The following TSHZ2 variants were observed in gnomAD, a reference collection of about 807,000 sequenced individuals.
The protein encoded by TSHZ2 is teashirt zinc finger homeobox 2, also known as teashirt homolog 2.
TSHZ2 carries 21 observed loss-of-function variants against 74.4 expected under a neutral mutation model. The ratio of observed to expected loss-of-function variants is 0.28; its 90% CI spans 0.20 to 0.41. The LOEUF is 0.41. TSHZ2 is among the 10% of genes least tolerant of loss of function. The pLI is 1.00. For missense variants in TSHZ2, 1,244 were observed against 1,293.5 expected (o/e 0.96, Z 0.59); for synonymous variants, 540 against 515.3 (o/e 1.05, Z -0.65).
chr20:53,277,242 T>C (rs141241016), intron 2 of TSHZ2, among the ~76,000 whole-genome samples: 12 of 151,410 alleles, frequency 7.9e-5, no homozygotes, highest in African/African-American at 2.9e-4. Context: ...GCCCTAAAAG[T>C]ATTTTGGAAG....
At chr20:53,376,241 T>C (rs941190771) in intron 2 of TSHZ2, among the ~76,000 whole-genome samples, 1 of 152,228 alleles carries the variant, frequency 6.6e-6, no homozygotes, top group Admixed American at 6.5e-5. Context: ...CCAACTGTCC[T>C]GGTTTGCTCT....
chr20:53,412,086 T>C (rs1440446129), intron 2 of TSHZ2, among the ~76,000 whole-genome samples: 1 of 152,192 alleles, frequency 6.6e-6, no homozygotes, highest in South Asian at 2.1e-4. Context: ...ACTCATGACT[T>C]TTCTGCTCAC....
At chr20:53,129,913 T>C (rs1044545958) in intron 1 of TSHZ2, among the ~76,000 whole-genome samples, 5 of 151,888 alleles carry the variant, frequency 3.3e-5, no homozygotes, top group Admixed American at 6.6e-5. Flanking sequence ...TTACCAACCC[T>C]GTGTTGACAA....
At chr20:53,234,001 G>A (rs186960376) in intron 1 of TSHZ2, among the ~76,000 whole-genome samples, 1 of 152,166 alleles carries the variant, frequency 6.6e-6, no homozygotes, top group African/African-American at 2.4e-5. Flanking sequence ...CCCAGGCCCT[G>A]CATGGTTGTG....
At chr20:53,325,080 G>T (rs1416676270) in intron 2 of TSHZ2, among the ~76,000 whole-genome samples, 1 of 152,220 alleles carries the variant, frequency 6.6e-6, no homozygotes, top group Non-Finnish European at 1.5e-5. Flanking sequence ...TTTGGTCTTG[G>T]TTAAACTGTC....
chr20:53,125,809 C>T (rs1335485047), intron 1 of TSHZ2, among the ~76,000 whole-genome samples: 1 of 152,070 alleles, frequency 6.6e-6, no homozygotes, highest in Non-Finnish European at 1.5e-5. Flanking sequence ...CCAAATCTAT[C>T]AGTGGGCTTA....
chr20:53,446,164 G>A (rs1168486104), intron 2 of TSHZ2, among the ~76,000 whole-genome samples: 1 of 152,144 alleles, frequency 6.6e-6, no homozygotes, highest in Non-Finnish European at 1.5e-5. Flanking sequence ...CTTGAAAAGA[G>A]CTTGAACCTC....
At chr20:53,383,450 A>T (rs1981931241) in intron 2 of TSHZ2, among the ~76,000 whole-genome samples, 1 of 151,972 alleles carries the variant, frequency 6.6e-6, no homozygotes, top group South Asian at 2.1e-4. Context: ...CATGACTTTT[A>T]TTTTGTAACT....
chr20:53,227,740 C>G (rs190101827), intron 1 of TSHZ2, among the ~76,000 whole-genome samples: 1 of 152,184 alleles, frequency 6.6e-6, no homozygotes, highest in Admixed American at 6.5e-5. Context: ...TCCTTGCTTT[C>G]GTGGCTTGCT....
Position 53,152,383 on chromosome 20 carries a change from TCTTGACCCTAAC to T in TSHZ2, c.41-101114_41-101103del, listed in dbSNP as rs1987694969. On this transcript the variant is annotated intron_variant, in intron 1 of 2. Transcript: ENST00000371497. ...ACTTTAACCCTGACCTTCACCCTAA[TCTTGACCCTAAC>T]CCTGACTCTCAGCCTAACCCTGACC... 2.0e-5 allele frequency among the ~76,000 whole-genome samples: 3 copies of T among 152,206 alleles called. No individual in the cohort carries two copies. The South Asian group carries it at 6.2e-4, about 32-fold the overall frequency.
chr20:53,227,154 T>A (rs1343498237), intron 1 of TSHZ2, among the ~76,000 whole-genome samples: 2 of 152,052 alleles, frequency 1.3e-5, no homozygotes. Flanking sequence ...AGCCTCTCGG[T>A]GTCCTGAGCC....
intron 2 of TSHZ2, among the ~76,000 whole-genome samples, chr20:53,346,591 C>T (rs1980448031): frequency 6.6e-6 from 1 of 152,202 alleles, no homozygotes; most frequent in Admixed American, 6.5e-5. Context: ...TTAGGCTCCT[C>T]CTGTTGACCA....
chr20:53,243,924 C>A (rs1227277567), intron 1 of TSHZ2, among the ~76,000 whole-genome samples: 1 of 151,276 alleles, frequency 6.6e-6, no homozygotes, highest in East Asian at 1.9e-4. Context: ...TTGGCTAATG[C>A]AGTTAGACAT....
intron 2 of TSHZ2, among the ~76,000 whole-genome samples, chr20:53,452,187 G>A (rs1984815241): frequency 6.6e-6 from 1 of 152,250 alleles, no homozygotes; most frequent in African/African-American, 2.4e-5. Flanking sequence ...TGTGCACAGT[G>A]TAAGGGGCTT....
At chr20:53,469,899 GAGGA>G (rs747268726) in intron 2 of TSHZ2, among the ~76,000 whole-genome samples, 24,181 of 88,248 alleles carry the variant, frequency 0.27, 4,341 homozygotes, top group East Asian at 0.36. Context: ...GAGAGGAAAG[GAGGA>G]AGGAAGGAAG....
At chr20:53,248,744 G>A (rs1990261432) in intron 1 of TSHZ2, among the ~76,000 whole-genome samples, 1 of 152,228 alleles carries the variant, frequency 6.6e-6, no homozygotes, top group Non-Finnish European at 1.5e-5. Context: ...ACTTAGGAGT[G>A]TAAATCCACA....
chr20:53,335,145 G>T (rs927545523), intron 2 of TSHZ2, among the ~76,000 whole-genome samples: 4 of 152,172 alleles, frequency 2.6e-5, no homozygotes, highest in African/African-American at 9.7e-5. Flanking sequence ...AGCAGCGTCA[G>T]CATCGCCTGG....
intron 1 of TSHZ2, among the ~76,000 whole-genome samples, chr20:52,998,715 T>G (rs1212193801): frequency 6.6e-6 from 1 of 152,206 alleles, no homozygotes; most frequent in Non-Finnish European, 1.5e-5. Flanking sequence ...GCAGGAACCA[T>G]GTCCAGTTTT....
chr20:53,484,811 GAATAGTT>G (rs1440145266), intron 2 of TSHZ2, among the ~76,000 whole-genome samples: 5 of 152,084 alleles, frequency 3.3e-5, no homozygotes, highest in African/African-American at 1.2e-4. Context: ...CCTTACCAAG[GAATAGTT>G]TCAAATGTCT....
Sources: allele counts gnomAD v4.1 joint callset (sites outside exome capture counted in the v4.1 genomes callset), GRCh38; gene constraint gnomAD v4.1.1; transcripts MANE v1.5; gene names NCBI Gene and HGNC (gene_info 2026-07-23, HGNC 2026-07-21).